The following PPP4R2 variants were observed in gnomAD, a reference collection of about 807,000 sequenced individuals.
PPP4R2 encodes the protein protein phosphatase 4 regulatory subunit 2.
A neutral mutation model predicts 47.2 loss-of-function variants in PPP4R2; 13 were observed. The observed-to-expected ratio is 0.28, with a 90% CI of 0.18 to 0.44. The LOEUF (loss-of-function observed/expected upper bound fraction) is 0.44, where lower values mean the gene tolerates loss of function less well. Among genes scored for constraint, PPP4R2 ranks in the 20% least tolerant of loss-of-function variants. The pLI, the probability that PPP4R2 is intolerant of heterozygous loss-of-function variation, is 1.00. For synonymous variants in PPP4R2, 151 were observed against 163.3 expected (o/e 0.92, Z 0.57); for missense variants, 421 against 491.2 (o/e 0.86, Z 1.35).
intron 3 of PPP4R2, among the ~76,000 whole-genome samples, chr3:73,048,210 A>G (rs549470799): frequency 6.6e-6 from 1 of 150,896 alleles, no homozygotes; most frequent in Admixed American, 6.6e-5. Context: ...TGTGTCTCAT[A>G]CTCTGTCATT....
At chr3:73,014,868 A>G (rs1044800389) in intron 2 of PPP4R2, 7 of 499,364 alleles carry the variant, frequency 1.4e-5, no homozygotes, top group African/African-American at 1.2e-4. Flanking sequence ...ATCCTTGTGT[A>G]TTTATTTATT....
chr3:73,054,235 T>C (rs1702681823), intron 3 of PPP4R2, among the ~76,000 whole-genome samples: 1 of 152,184 alleles, frequency 6.6e-6, no homozygotes, highest in Non-Finnish European at 1.5e-5. Context: ...CCTCTTTTAA[T>C]AATGATAAGG....
chr3:73,026,691 G>A (rs1259516818), intron 2 of PPP4R2, among the ~76,000 whole-genome samples: 1 of 115,020 alleles, frequency 8.7e-6, no homozygotes, highest in Non-Finnish European at 1.9e-5. Flanking sequence ...AACATTATGA[G>A]ATTTTTGCGA....
chr3:73,024,560 C>T (rs1702020889), intron 2 of PPP4R2, among the ~76,000 whole-genome samples: 1 of 152,124 alleles, frequency 6.6e-6, no homozygotes, highest in Non-Finnish European at 1.5e-5. Flanking sequence ...TTAGTAGTCT[C>T]ACAGCATTTT....
At chr3:73,009,181 T>C (rs1315654297) in intron 2 of PPP4R2, among the ~76,000 whole-genome samples, 3 of 152,214 alleles carry the variant, frequency 2.0e-5, no homozygotes, top group Admixed American at 2.0e-4. Context: ...GCTTGAAAGC[T>C]TAGAGGAATC....
intron 2 of PPP4R2, among the ~76,000 whole-genome samples, chr3:73,022,770 T>TTC (rs1305758551): frequency 2.8e-5 from 3 of 106,158 alleles, no homozygotes; most frequent in African/African-American, 6.9e-5. Context: ...CCGCATTTCT[T>TTC]TTTTTTTTTT....
chr3:73,037,248 A>AT lies in PPP4R2; in HGVS notation c.117-9931dup, dbSNP rs545503692. Among the ~76,000 whole-genome samples the AT allele has an allele frequency of 3.9e-3, 601 of 152,286 alleles. 2 individuals are homozygous for AT. Among genetic ancestry groups the AT allele is most frequent in the Middle Eastern group, 0.01 (3 of 294 alleles). The stretch of plus-strand genomic sequence containing the variant: ...ATGAGATTTTAATGCTAATGAGTAT[A>AT]TTTTTTTAAATGAATCATCTGTATA... On this transcript the variant is annotated intron_variant, in intron 2 of 8. Transcript: ENST00000356692.
At chr3:73,062,742 A>G (rs1416880300) in intron 5 of PPP4R2, 8 of 1,613,886 alleles carry the variant, frequency 5.0e-6, no homozygotes, top group Non-Finnish European at 5.1e-6. Flanking sequence ...ATCTATTGGA[A>G]GACTTTCACA....
chr3:73,006,636 C>T (rs1482488958), intron 2 of PPP4R2, among the ~76,000 whole-genome samples: 1 of 152,142 alleles, frequency 6.6e-6, no homozygotes, highest in Non-Finnish European at 1.5e-5. Flanking sequence ...TTGACTCTTT[C>T]TCCTCATTGT....
At chr3:73,048,534 G>A (rs1429482801) in intron 3 of PPP4R2, among the ~76,000 whole-genome samples, 1 of 152,216 alleles carries the variant, frequency 6.6e-6, no homozygotes, top group Non-Finnish European at 1.5e-5. Context: ...GATTACAGGC[G>A]TGAGCCCCCG....
rs1455405744 is a variant in PPP4R2 at position 73,066,235 on chromosome 3, C to CATATATATATAT, written c.*516_*517insTATATATATATA. Reference sequence around the variant, plus strand: ...ACAATGGAACTTTAAGTCATATATACATACATATATATATATATATATATA... The same window carrying CATATATATATAT: ...ACAATGGAACTTTAAGTCATATATACATATATATATATATACATATATATATATATATATATA... On this transcript the variant is annotated 3_prime_UTR_variant, in exon 9 of 9. Coordinates refer to ENST00000356692, the MANE Select transcript of PPP4R2 (RefSeq NM_174907.4). The CATATATATATAT allele has an allele frequency of 1.2e-5, 1 of 80,002 alleles. No homozygotes were observed. The highest frequency in any genetic ancestry group is 1.2e-4 in the Admixed American group (1 of 8,524). The allele number at this position is 80,002 out of a possible 1,614,324, so 5.0% of individuals were successfully genotyped here. A position where few individuals can be genotyped will look rare whatever the true frequency, so the allele number is the denominator to read the frequency against.
chr3:73,025,995 TG>T (rs1702056152), intron 2 of PPP4R2, among the ~76,000 whole-genome samples: 1 of 152,186 alleles, frequency 6.6e-6, no homozygotes, highest in Admixed American at 6.6e-5. Context: ...TCACCTTGCC[TG>T]GGTTTTTATA....
intron 3 of PPP4R2, among the ~76,000 whole-genome samples, chr3:73,058,561 G>T (rs749744639): frequency 6.6e-6 from 1 of 151,376 alleles, no homozygotes; most frequent in African/African-American, 2.4e-5. Flanking sequence ...ATATTTATGG[G>T]GTACATGAGA....
intron 1 of PPP4R2, 156 bp downstream of exon 1, chr3:72,997,227 G>C (rs1232592699): frequency 6.1e-6 from 3 of 488,528 alleles, no homozygotes; most frequent in Non-Finnish European, 1.0e-5. Context: ...GGGGCGGGGA[G>C]CCCTGTGGGC....
chr3:73,056,528 G>A (rs528486773), intron 3 of PPP4R2, among the ~76,000 whole-genome samples: 8 of 143,934 alleles, frequency 5.6e-5, no homozygotes, highest in East Asian at 1.9e-4. Flanking sequence ...TTAGCCTGTC[G>A]TGTGAGAAAA....
At chr3:73,013,094 T>A (rs1701757193) in intron 2 of PPP4R2, among the ~76,000 whole-genome samples, 1 of 152,128 alleles carries the variant, frequency 6.6e-6, no homozygotes, top group Non-Finnish European at 1.5e-5. Context: ...CTTGTTAAGT[T>A]GTCATTCAGT....
In PPP4R2 at chr3:72,998,165, T is replaced by G. The variant is rs1701389647; in HGVS notation, c.116+7T>G. 1 of 1,586,492 alleles carries G rather than the reference T, an allele frequency of 6.3e-7. No individual in the cohort carries two copies. Among genetic ancestry groups the G allele is most frequent in the South Asian group, 1.1e-5 (1 of 87,228 alleles). ...CCAAGACTGGAGAAACAATGTGAGT[T>G]GAAAACATGCATTTGTCGTTATAGA... is the stretch of plus-strand genomic sequence containing the variant. On this transcript the variant is annotated splice_region_variant and intron_variant, in intron 2 of 8. Transcript: ENST00000356692.
intron 2 of PPP4R2, among the ~76,000 whole-genome samples, chr3:73,011,252 G>T (rs1185827400): frequency 1.1e-4 from 16 of 152,196 alleles, no homozygotes. Context: ...GGCCGAGGCG[G>T]GTGGATCATC....
intron 2 of PPP4R2, chr3:73,015,823 A>C (rs1490322242): frequency 2.0e-5 from 9 of 442,302 alleles, no homozygotes; most frequent in Non-Finnish European, 3.6e-5. Flanking sequence ...TGTGTTTAGT[A>C]GAGACGGGGT....
Sources: gnomAD v4.1 joint callset for allele counts (sites outside exome capture counted in the v4.1 genomes callset) on GRCh38, gnomAD v4.1.1 for gene constraint, MANE v1.5 for transcripts, NCBI Gene and HGNC (gene_info 2026-07-23, HGNC 2026-07-21) for gene names.